The following EPHA3 variants were observed in gnomAD, a reference collection of about 807,000 sequenced individuals.
The protein encoded by EPHA3 is ephrin type-A receptor 3.
Under a neutral mutation model 107.1 loss-of-function variants are expected in EPHA3, and 42 were observed. That is an observed-to-expected ratio of 0.39 (90% confidence interval 0.31 to 0.51). EPHA3 has a LOEUF of 0.51. Ranked by LOEUF, EPHA3 falls within the 20% of genes least tolerant of loss-of-function variation. EPHA3 has a pLI of 0.78. For missense variants in EPHA3, 1,183 were observed against 1,211.2 expected, an observed-to-expected ratio of 0.98 and a Z score of 0.35; for synonymous variants, 461 against 424.8, an observed-to-expected ratio of 1.09 and a Z score of -1.05.
rs145472305 is a variant in EPHA3 at position 89,184,672 on chromosome 3, G to C, written c.154-25188G>C. The stretch of plus-strand genomic sequence containing the variant: ...GTGCTTTTCCAAGCCAGAATTCTTG[G>C]TTTCCCTTGTGATTGTTAAAACAAA... On this transcript the variant is annotated intron_variant, in intron 2 of 16. Coordinates refer to ENST00000336596, the MANE Select transcript of EPHA3 (RefSeq NM_005233.6). Among the ~76,000 whole-genome samples the C allele has an allele frequency of 6.4e-3, 972 of 152,066 alleles. 6 individuals carry two copies. Among genetic ancestry groups the C allele is most frequent in the Non-Finnish European group, 0.01 (680 of 67,910 alleles).
At chr3:89,109,357 A>G (rs1316832628) in intron 1 of EPHA3, among the ~76,000 whole-genome samples, 3 of 152,104 alleles carry the variant, frequency 2.0e-5, no homozygotes, top group Non-Finnish European at 4.4e-5. Flanking sequence ...AATAGGTAAC[A>G]TATCAATAAA....
intron 3 of EPHA3, 61 bp downstream of exon 3, chr3:89,210,581 T>C (rs1706253700): frequency 6.9e-7 from 1 of 1,459,516 alleles, no homozygotes; most frequent in African/African-American, 1.4e-5. Context: ...TATCATAGTG[T>C]CATTAAATGA....
intron 5 of EPHA3, among the ~76,000 whole-genome samples, chr3:89,364,614 A>G (rs548074713): frequency 6.6e-6 from 1 of 151,334 alleles, no homozygotes; most frequent in African/African-American, 2.4e-5. Flanking sequence ...CTTGTTAAAA[A>G]ACCAGATATA....
At chr3:89,329,581 T>A (rs1707244542) in intron 3 of EPHA3, among the ~76,000 whole-genome samples, 1 of 152,128 alleles carries the variant, frequency 6.6e-6, no homozygotes, top group Admixed American at 6.5e-5. Flanking sequence ...ATGGATTTAA[T>A]CATTGTATTC....
At chr3:89,448,546 AG>A (rs1235024289) in intron 13 of EPHA3, among the ~76,000 whole-genome samples, 1 of 152,174 alleles carries the variant, frequency 6.6e-6, no homozygotes, top group Non-Finnish European at 1.5e-5. Context: ...AACTTATAAA[AG>A]CAATATTATT....
At chr3:89,448,690 T>C (rs902959447) in intron 13 of EPHA3, among the ~76,000 whole-genome samples, 4 of 152,180 alleles carry the variant, frequency 2.6e-5, no homozygotes, top group South Asian at 2.1e-4. Flanking sequence ...ATGATTATTG[T>C]GTTGAAGAGA....
intron 15 of EPHA3, among the ~76,000 whole-genome samples, chr3:89,469,840 C>T (rs753099305): frequency 7.2e-5 from 11 of 151,964 alleles, no homozygotes; most frequent in African/African-American, 2.4e-4. Context: ...AAATGCATGT[C>T]GATATATTAT....
intron 16 of EPHA3, 29 bp from the exon 17 acceptor site, chr3:89,479,368 G>T (rs750785329): frequency 2.5e-6 from 4 of 1,581,880 alleles, no homozygotes; most frequent in Non-Finnish European, 2.6e-6. Flanking sequence ...CGAGGAAACC[G>T]ATTCTTATAT....
At chr3:89,324,437 G>A (rs1241811120) in intron 3 of EPHA3, among the ~76,000 whole-genome samples, 1 of 151,840 alleles carries the variant, frequency 6.6e-6, no homozygotes, top group Admixed American at 6.6e-5. Flanking sequence ...TCCAGGCGCT[G>A]TGGCTCACGC....
chr3:89,439,826 A>G (rs1709749673), intron 13 of EPHA3, among the ~76,000 whole-genome samples: 2 of 152,102 alleles, frequency 1.3e-5, no homozygotes, highest in South Asian at 2.1e-4. Flanking sequence ...GATAGATATC[A>G]TACATCAGAT....
At chr3:89,221,270 T>G (rs1704368076) in intron 3 of EPHA3, among the ~76,000 whole-genome samples, 1 of 152,164 alleles carries the variant, frequency 6.6e-6, no homozygotes, top group African/African-American at 2.4e-5. Flanking sequence ...ATCACGGACA[T>G]TTACTTCTGA....
chr3:89,467,669 G>T (rs1349755890), intron 15 of EPHA3, among the ~76,000 whole-genome samples: 1 of 151,936 alleles, frequency 6.6e-6, no homozygotes, highest in African/African-American at 2.4e-5. Context: ...GGAATTGATG[G>T]GAAGAAAATA....
chr3:89,267,813 G>A (rs1254709100), intron 3 of EPHA3, among the ~76,000 whole-genome samples: 9 of 152,012 alleles, frequency 5.9e-5, no homozygotes, highest in African/African-American at 1.9e-4. Flanking sequence ...CTGACTTAAC[G>A]TTTTATACTA....
chr3:89,395,771 T>C, intron 5 of EPHA3, 66 bp from the exon 6 acceptor site: 1 of 1,582,320 alleles, frequency 6.3e-7, no homozygotes, highest in Non-Finnish European at 8.6e-7. Flanking sequence ...TCTGTTCTTA[T>C]TCGCCACCCT....
intron 15 of EPHA3, among the ~76,000 whole-genome samples, chr3:89,467,340 A>G (rs1710303787): frequency 6.6e-6 from 1 of 152,226 alleles, no homozygotes; most frequent in African/African-American, 2.4e-5. Context: ...TCCTGAAACT[A>G]TTCACAACAA....
chr3:89,180,339 T>C (rs185231092), intron 2 of EPHA3, among the ~76,000 whole-genome samples: 13 of 152,046 alleles, frequency 8.6e-5, no homozygotes, highest in African/African-American at 3.1e-4. Context: ...CACTATACCA[T>C]AAACAGAGTC....
intron 7 of EPHA3, among the ~76,000 whole-genome samples, chr3:89,402,047 G>A (rs1708974680): frequency 6.6e-6 from 1 of 152,132 alleles, no homozygotes; most frequent in Non-Finnish European, 1.5e-5. Context: ...AGATAAACAT[G>A]TTTTATGCAT....
chr3:89,299,610 T>C (rs1195295703), intron 3 of EPHA3, among the ~76,000 whole-genome samples: 1 of 152,070 alleles, frequency 6.6e-6, no homozygotes, highest in Non-Finnish European at 1.5e-5. Context: ...TATCAGCTTA[T>C]GTGATTGTCT....
At chr3:89,121,798 T>G (rs1559740752) in intron 1 of EPHA3, among the ~76,000 whole-genome samples, 1 of 150,700 alleles carries the variant, frequency 6.6e-6, no homozygotes, top group Non-Finnish European at 1.5e-5. Flanking sequence ...AGAAAATAAA[T>G]ACAAACAGGA....
Sources: gnomAD v4.1 joint callset for allele counts (sites outside exome capture counted in the v4.1 genomes callset) on GRCh38, gnomAD v4.1.1 for gene constraint, MANE v1.5 for transcripts, NCBI Gene and HGNC (gene_info 2026-07-23, HGNC 2026-07-21) for gene names.